BCAT2: variants seen among roughly 807,000 people sequenced by gnomAD.
BCAT2 encodes the protein branched-chain-amino-acid aminotransferase, mitochondrial.
Under a neutral mutation model 52.9 loss-of-function variants are expected in BCAT2, and 44 were observed. The ratio of observed to expected loss-of-function variants is 0.83; its 90% confidence interval spans 0.65 to 1.07. BCAT2 has a LOEUF of 1.07. BCAT2 is among the 50% of genes least tolerant of loss of function. The pLI is 0.00. For missense variants in BCAT2, 478 were observed against 521.8 expected, an observed-to-expected ratio of 0.92 and a Z score of 0.82; for synonymous variants, 215 against 217.1, an observed-to-expected ratio of 0.99 and a Z score of 0.08.
At chr19:48,809,524 C>T (rs954505715) in intron 1 of BCAT2, among the ~76,000 whole-genome samples, 3 of 151,852 alleles carry the variant, frequency 2.0e-5, no homozygotes, top group Admixed American at 6.6e-5. Context: ...AGAACTGCCC[C>T]CTTTATAGCC....
intron 8 of BCAT2, 92 bp downstream of exon 8, chr19:48,796,845 G>A: frequency 1.3e-6 from 2 of 1,594,738 alleles, no homozygotes; most frequent in Admixed American, 3.4e-5. Flanking sequence ...AGGAGAAGGG[G>A]CAGAGACATG....
chr19:48,809,066 CAAAAAAAA>C (rs3057799), intron 1 of BCAT2, among the ~76,000 whole-genome samples: 1,145 of 28,896 alleles, frequency 0.04, 15 homozygotes, highest in African/African-American at 0.11. Context: ...GAGTGTCTCT[CAAAAAAAA>C]AAAAAAAAAA....
intron 3 of BCAT2, among the ~76,000 whole-genome samples, chr19:48,806,274 C>T (rs189566116): frequency 1.8e-4 from 27 of 150,990 alleles, no homozygotes; most frequent in African/African-American, 5.9e-4. Flanking sequence ...GAGCACAGAT[C>T]ATACTGAGTT....
Position 48,806,669 on chromosome 19 carries a change from CAGGCTTCTTATG to C in BCAT2, c.136_147del (p.His46_Pro49del), listed in dbSNP as rs777015584. 4.8e-5 allele frequency: 78 copies of C among 1,613,952 alleles called. No individual in the cohort carries two copies. The highest frequency in any genetic ancestry group is 5.7e-5 in the Non-Finnish European group (67 of 1,180,056). On this transcript the variant is annotated inframe_deletion, in exon 3 of 11. Coordinates refer to ENST00000316273, the MANE Select transcript of BCAT2 (RefSeq NM_001190.4). ...CCAAACACCAGGGGCTCGCCGGGGC[CAGGCTTCTTATG>C]AGGCTTCTGTGTCATTTCCAGCTGC...
chr19:48,808,114 G>C, intron 1 of BCAT2: 19 of 987,300 alleles, frequency 1.9e-5, no homozygotes, highest in Non-Finnish European at 2.3e-5. Flanking sequence ...GTTGCTGGGA[G>C]ATGGGCCTGC....
intron 1 of BCAT2, chr19:48,808,345 A>G: frequency 7.8e-6 from 6 of 771,490 alleles, no homozygotes; most frequent in Non-Finnish European, 9.5e-6. Context: ...AAAAGAGAGT[A>G]AGAGATGGAA....
intron 10 of BCAT2, chr19:48,796,062 G>C (rs536803923): frequency 2.3e-6 from 1 of 438,168 alleles, no homozygotes; most frequent in Non-Finnish European, 4.0e-6. Flanking sequence ...GGGCACCCGG[G>C]GCAGCAGAGG....
chr19:48,796,196 G>C (rs1414164215), intron 10 of BCAT2: 1 of 587,852 alleles, frequency 1.7e-6, no homozygotes, highest in Non-Finnish European at 3.0e-6. Context: ...TTCCAAAGCT[G>C]AAGACATATC....
In BCAT2 at chr19:48,808,081, C is replaced by T. The variant is rs1297917447; in HGVS notation, c.25-1007G>A. The stretch of plus-strand genomic sequence containing the variant: ...ATTCTGGAAGATGGACGTGAATGGG[C>T]GTGGTCACTTGTCGCTAGGTGAGTT... On this transcript the variant is annotated intron_variant, in intron 1 of 10. Coordinates refer to ENST00000316273, the MANE Select transcript of BCAT2 (RefSeq NM_001190.4). The T allele has an allele frequency of 1.0e-5, 10 of 987,470 alleles. No homozygotes were observed. In the African/African-American group the frequency reaches 1.4e-4, roughly 14 times the overall value. The allele number at this position is 987,470 out of a possible 1,614,324, so 61.2% of individuals were successfully genotyped here.
At chr19:48,805,704 A>G (rs867519583) in intron 3 of BCAT2, among the ~76,000 whole-genome samples, 52 of 17,848 alleles carry the variant, frequency 2.9e-3, no homozygotes, top group Middle Eastern at 0.036. Context: ...GCCCTCTCCC[A>G]CCATCACTTC....
Position 48,795,307 on chromosome 19 carries a change from A to C in BCAT2, c.*119T>G. On this transcript the variant is annotated 3_prime_UTR_variant, in exon 11 of 11. Transcript: ENST00000316273. ...AACCACATGGGGGCGCCAGAGACCC[A>C]GACGCCGCCCGCTGGCCTTTTATTT... 7.2e-7 allele frequency: 1 copy of C among 1,384,104 alleles called. No homozygotes were observed. Among genetic ancestry groups the C allele is most frequent in the Non-Finnish European group, 1.0e-6 (1 of 999,080 alleles). The allele number at this position is 1,384,104 out of a possible 1,614,324, so 85.7% of individuals were successfully genotyped here. A position where few individuals can be genotyped will look rare whatever the true frequency, so the allele number is the denominator to read the frequency against.
chr19:48,799,880 A>G lies in BCAT2; in HGVS notation c.532-42T>C. The G allele has an allele frequency of 6.3e-7, 1 of 1,581,624 alleles. No homozygotes were observed. The stretch of plus-strand genomic sequence containing the variant: ...GACAGCGTCAGGAGTCCAGGCCCCC[A>G]GTCCCTTCCCGTCCCCAGGCCCAGG... On this transcript the variant is annotated intron_variant, in intron 5 of 10. Coordinates refer to ENST00000316273, the MANE Select transcript of BCAT2 (RefSeq NM_001190.4). This position sits in a 1 kb window ranked among gnomAD's most constrained non-coding sequence, Gnocchi z 5.5.
rs2122642533 is a variant in BCAT2, at chr19:48,795,495, G to A, written c.1141-31C>T. 10 of 1,612,584 alleles carry A rather than the reference G, an allele frequency of 6.2e-6. No homozygotes were observed. In the South Asian group the frequency reaches 9.9e-5, roughly 16 times the overall value. On this transcript the variant is annotated intron_variant, in intron 10 of 10. Transcript: ENST00000316273. The stretch of plus-strand genomic sequence containing the variant: ...GAACAACGGAGGCAGTGCGTGAGGT[G>A]GAAGCTGCACTACAACTCCCAGTAG...
At position 48,807,525 on chromosome 19, in the gene BCAT2, G is replaced by T; in HGVS notation, c.25-451C>A. ...CCGCCTCCCTCAGACCTAAGTAAGA[G>T]TCCAGACTCTAGCTGCCTCCTCCCT... On this transcript the variant is annotated intron_variant, in intron 1 of 10. Coordinates refer to ENST00000316273, the MANE Select transcript of BCAT2 (RefSeq NM_001190.4). The surrounding 1 kb of genome is among the most constrained non-coding windows in gnomAD (Gnocchi z 4.6). The T allele has an allele frequency of 5.2e-6, 1 of 191,090 alleles. No homozygotes were observed. Among genetic ancestry groups the T allele is most frequent in the Non-Finnish European group, 9.9e-6 (1 of 101,102 alleles). The allele number at this position is 191,090 out of a possible 1,614,324, so 11.8% of individuals were successfully genotyped here.
rs748961972 is a variant in BCAT2 at position 48,797,034 on chromosome 19, G to A, written c.839-12C>T. On this transcript the variant is annotated splice_polypyrimidine_tract_variant and intron_variant, in intron 7 of 10. Transcript: ENST00000316273. ...CACCAGCTCCAGCACTAGGGCAGGT[G>A]TAAGGGGTGGAAGATGTTACCTCTC... 3.8e-5 allele frequency: 62 copies of A among 1,613,956 alleles called. No homozygotes were observed. The highest frequency in any genetic ancestry group is 5.1e-5 in the Non-Finnish European group (60 of 1,179,932).
intron 3 of BCAT2, among the ~76,000 whole-genome samples, chr19:48,805,791 G>A (rs945970453): frequency 2.0e-5 from 1 of 48,962 alleles, no homozygotes; most frequent in Non-Finnish European, 3.7e-5. Context: ...TCCGTCTCCC[G>A]CCATCCCTCC....
In BCAT2 at chr19:48,806,596, C is replaced by A; in HGVS notation, c.221G>T (p.Gly74Val). 6.2e-7 allele frequency: 1 copy of A among 1,614,148 alleles called. No homozygotes were observed. Among genetic ancestry groups the A allele is most frequent in the South Asian group, 1.1e-5 (1 of 91,084 alleles). Residue 74 changes from glycine (G) to valine (V), a missense_variant, in exon 3 of 11, where the codon GGC becomes GTC. By Grantham distance (109) the Gly-to-Val change is moderately radical. Transcript: ENST00000316273. ...GGGCTGGATTCGGGGCTGGCCCCAG[C>A]CCTTGTCATTCCATTCCACCATCAG... Reference protein sequence around the residue: ...HMLMVEWNDKGWGQPRIQPFQ... With the variant: ...HMLMVEWNDKVWGQPRIQPFQ...
rs2034617300 is a variant in BCAT2, at chr19:48,799,926, C to T, written c.531+55G>A. On this transcript the variant is annotated intron_variant, in intron 5 of 10. Coordinates refer to ENST00000316273, the MANE Select transcript of BCAT2 (RefSeq NM_001190.4). The surrounding 1 kb of genome is among the most constrained non-coding windows in gnomAD (Gnocchi z 5.5). ...CCAGGCCTCCAGGACCCCACCCCTG[C>T]CCTGCAGAATCCAACCCCCGCAGCC... 3.1e-6 allele frequency: 5 copies of T among 1,607,378 alleles called. No homozygotes were observed. The highest frequency in any genetic ancestry group is 1.7e-5 in the Admixed American group (1 of 59,248).
intron 3 of BCAT2, among the ~76,000 whole-genome samples, chr19:48,806,172 C>A (rs947212757): frequency 1.4e-5 from 2 of 146,596 alleles, no homozygotes; most frequent in Non-Finnish European, 3.0e-5. Flanking sequence ...CTCCCACCAT[C>A]CCCCTCTAAG....
Sources: gnomAD v4.1 joint callset for allele counts (sites outside exome capture counted in the v4.1 genomes callset) on GRCh38, gnomAD v4.1.1 for gene constraint, Gnocchi (gnomAD v3.1) non-coding constraint, MANE v1.5 for transcripts, NCBI Gene and HGNC (gene_info 2026-07-23, HGNC 2026-07-21) for gene names.